Variants in SLIT3 observed in about 807,000 individuals in gnomAD.
SLIT3 encodes the protein slit guidance ligand 3.
A neutral mutation model predicts 184.0 loss-of-function variants in SLIT3; 68 were observed. The observed-to-expected ratio is 0.37, with a 90% CI of 0.30 to 0.45. SLIT3 has a LOEUF of 0.45. Among genes scored for constraint, SLIT3 ranks in the 20% least tolerant of loss-of-function variants. The probability of loss-of-function intolerance (pLI) is 1.00; values close to 1 mark genes in which losing one functional copy is unlikely to be tolerated. For synonymous variants in SLIT3, 831 were observed against 828.6 expected, an observed-to-expected ratio of 1.00 and a Z score of -0.05; for missense variants, 1,707 against 2,026.0, an observed-to-expected ratio of 0.84 and a Z score of 3.02.
intron 21 of SLIT3, among the ~76,000 whole-genome samples, chr5:168,723,650 G>A (rs1309809769): frequency 6.6e-6 from 1 of 152,110 alleles, no homozygotes; most frequent in Non-Finnish European, 1.5e-5. Context: ...ATCAGGTTCT[G>A]TCTTAGGAGG....
At chr5:168,779,314 C>T (rs1164658119) in intron 12 of SLIT3, among the ~76,000 whole-genome samples, 4 of 152,264 alleles carry the variant, frequency 2.6e-5, no homozygotes, top group East Asian at 1.9e-4. Flanking sequence ...TGATGGGAGG[C>T]GGTGGAGGTA....
At chr5:168,924,605 G>A (rs573986429) in intron 4 of SLIT3, among the ~76,000 whole-genome samples, 1 of 151,302 alleles carries the variant, frequency 6.6e-6, no homozygotes, top group Non-Finnish European at 1.5e-5. Flanking sequence ...GAACTCCCAG[G>A]CTCAAGCAAT....
chr5:168,976,202 A>G (rs964588149), intron 4 of SLIT3, among the ~76,000 whole-genome samples: 18 of 152,198 alleles, frequency 1.2e-4, no homozygotes, highest in Admixed American at 7.9e-4. Flanking sequence ...CAGAGAGACT[A>G]TGTAACTTGC....
At chr5:168,670,546 G>A (rs1396486416) in intron 34 of SLIT3, among the ~76,000 whole-genome samples, 1 of 152,196 alleles carries the variant, frequency 6.6e-6, no homozygotes, top group Admixed American at 6.5e-5. Flanking sequence ...ATGACATGCA[G>A]AGCCAGGATC....
chr5:168,882,477 T>A (rs953009381), intron 5 of SLIT3, among the ~76,000 whole-genome samples: 1 of 152,188 alleles, frequency 6.6e-6, no homozygotes, highest in African/African-American at 2.4e-5. Flanking sequence ...CTGCACGTGA[T>A]GAAATCACAC....
chr5:168,773,198 T>C (rs1446960257), intron 13 of SLIT3, among the ~76,000 whole-genome samples: 2 of 152,152 alleles, frequency 1.3e-5, no homozygotes, highest in Non-Finnish European at 2.9e-5. Context: ...CTCTTCCCAC[T>C]TGGGGCAAGA....
At chr5:168,861,606 T>C (rs532616103) in intron 5 of SLIT3, among the ~76,000 whole-genome samples, 7 of 152,308 alleles carry the variant, frequency 4.6e-5, no homozygotes, top group African/African-American at 1.2e-4. Context: ...GGGACTTGGC[T>C]TGACTGTCTA....
chr5:168,966,732 A>G (rs926883293), intron 4 of SLIT3, among the ~76,000 whole-genome samples: 1 of 152,176 alleles, frequency 6.6e-6, no homozygotes, highest in East Asian at 1.9e-4. Context: ...AGAGAGATGC[A>G]AGTCAGAGTT....
intron 20 of SLIT3, among the ~76,000 whole-genome samples, chr5:168,731,413 A>T (rs1461716654): frequency 2.0e-5 from 3 of 152,084 alleles, no homozygotes; most frequent in Non-Finnish European, 4.4e-5. Flanking sequence ...AAACTATTTT[A>T]AAAAACTGAG....
chr5:168,777,785 A>G (rs145832930), intron 12 of SLIT3, among the ~76,000 whole-genome samples: 160 of 152,298 alleles, frequency 1.1e-3, no homozygotes, highest in African/African-American at 3.6e-3. Flanking sequence ...TGCTGAGGAC[A>G]GCCTCACTGG....
chr5:168,989,944 G>A (rs1315260486), intron 4 of SLIT3, among the ~76,000 whole-genome samples: 1 of 152,190 alleles, frequency 6.6e-6, no homozygotes, highest in African/African-American at 2.4e-5. Context: ...GCACATTATA[G>A]TCAAGAGGTT....
At chr5:168,889,646 G>A (rs760499201) in intron 4 of SLIT3, among the ~76,000 whole-genome samples, 4 of 152,160 alleles carry the variant, frequency 2.6e-5, no homozygotes, top group African/African-American at 4.8e-5. Flanking sequence ...TAATACTGAT[G>A]GATTAAGTGT....
At chr5:168,813,366 C>T (rs959858281) in intron 8 of SLIT3, among the ~76,000 whole-genome samples, 10 of 150,856 alleles carry the variant, frequency 6.6e-5, no homozygotes, top group African/African-American at 2.4e-4. Flanking sequence ...TGAACTTCTT[C>T]TCTGGTCTAT....
At chr5:169,265,114 G>C (rs1323254658) in intron 1 of SLIT3, among the ~76,000 whole-genome samples, 1 of 152,080 alleles carries the variant, frequency 6.6e-6, no homozygotes, top group Non-Finnish European at 1.5e-5. Flanking sequence ...TGCACCAGGA[G>C]GACTCCCTGC....
At chr5:169,076,609 G>A (rs993693732) in intron 4 of SLIT3, among the ~76,000 whole-genome samples, 1 of 152,146 alleles carries the variant, frequency 6.6e-6, no homozygotes, top group Non-Finnish European at 1.5e-5. Context: ...CTTACTTTAA[G>A]AGGAGAGAGA....
At chr5:169,090,396 G>A (rs1244234423) in intron 4 of SLIT3, among the ~76,000 whole-genome samples, 1 of 152,206 alleles carries the variant, frequency 6.6e-6, no homozygotes, top group Non-Finnish European at 1.5e-5. Context: ...CCTGGGAACT[G>A]CAGCCTGCAG....
intron 4 of SLIT3, among the ~76,000 whole-genome samples, chr5:168,957,386 T>C (rs1762861016): frequency 6.6e-6 from 1 of 152,214 alleles, no homozygotes; most frequent in African/African-American, 2.4e-5. Flanking sequence ...TTTTAGTGTG[T>C]TGACCTTGGA....
intron 16 of SLIT3, among the ~76,000 whole-genome samples, chr5:168,758,611 G>C (rs1755032595): frequency 6.6e-6 from 1 of 152,186 alleles, no homozygotes; most frequent in Admixed American, 6.5e-5. Flanking sequence ...TCTCTCAGCT[G>C]GCCCCCCAAC....
intron 20 of SLIT3, among the ~76,000 whole-genome samples, chr5:168,739,241 G>T (rs539092392): frequency 6.6e-6 from 1 of 152,076 alleles, no homozygotes; most frequent in Non-Finnish European, 1.5e-5. Flanking sequence ...CATTCAAAGC[G>T]TAAGACAGAT....
Sources: gnomAD v4.1 joint callset for allele counts (sites outside exome capture counted in the v4.1 genomes callset) on GRCh38, gnomAD v4.1.1 for gene constraint, MANE v1.5 for transcripts, NCBI Gene and HGNC (gene_info 2026-07-23, HGNC 2026-07-21) for gene names.